CAB39: variants seen among roughly 807,000 people sequenced by gnomAD.
CAB39 encodes the protein calcium binding protein 39, also known as calcium-binding protein 39.
CAB39 carries 8 observed loss-of-function variants against 40.0 expected under a neutral mutation model. The ratio of observed to expected loss-of-function variants is 0.20; its 90% CI spans 0.12 to 0.36. CAB39 has a LOEUF of 0.36. CAB39 is among the 10% of genes least tolerant of loss of function. The probability of loss-of-function intolerance (pLI) is 1.00; values close to 1 mark genes in which losing one functional copy is unlikely to be tolerated. For synonymous variants in CAB39, 156 were observed against 141.6 expected (o/e 1.10, Z -0.72); for missense variants, 270 against 401.1 (o/e 0.67, Z 2.79).
At chr2:230,765,767 G>C (rs543390805) in intron 2 of CAB39, among the ~76,000 whole-genome samples, 11 of 152,210 alleles carry the variant, frequency 7.2e-5, no homozygotes, top group African/African-American at 2.4e-4. Flanking sequence ...GTACAGGCTA[G>C]AGATGCTGTT....
chr2:230,797,659 G>T (rs1321181327), intron 4 of CAB39, among the ~76,000 whole-genome samples: 3 of 152,166 alleles, frequency 2.0e-5, no homozygotes, highest in Admixed American at 2.0e-4. Context: ...TGGAGGTGGG[G>T]TTAGTAGTCA....
intron 2 of CAB39, 132 bp downstream of exon 2, chr2:230,760,247 CT>C: frequency 1.9e-6 from 1 of 539,022 alleles, no homozygotes; most frequent in South Asian, 2.9e-5. Flanking sequence ...GCAACATATG[CT>C]GCTGTTGCAA....
chr2:230,725,360 A>G (rs1575900792), intron 1 of CAB39: 1 of 1,592,356 alleles, frequency 6.3e-7, no homozygotes, highest in Non-Finnish European at 8.6e-7. Flanking sequence ...CTTCTCCCCC[A>G]TGGGCTCTGC....
chr2:230,725,376 A>G lies in CAB39; in HGVS notation c.-44+12146A>G, dbSNP rs540707068. On this transcript the variant is annotated intron_variant, in intron 1 of 8. Coordinates refer to ENST00000258418, the MANE Select transcript of CAB39 (RefSeq NM_016289.4). ...TTCTCCCCCATGGGCTCTGCCACGA[A>G]GTCTCGGTGCTTTTGGGAGGTTGTC... is the stretch of plus-strand genomic sequence containing the variant. The G allele has an allele frequency of 6.3e-6, 10 of 1,599,530 alleles. No homozygotes were observed. The South Asian group carries it at 8.8e-5, about 14-fold the overall frequency.
chr2:230,814,035 C>A lies in CAB39; in HGVS notation c.628-14C>A. On this transcript the variant is annotated splice_polypyrimidine_tract_variant and intron_variant, in intron 6 of 8. Transcript: ENST00000258418. The stretch of plus-strand genomic sequence containing the variant: ...TTTGGCAATAACCCTGATTTATGTT[C>A]TCTTATCTTTTAGTTTTTCAGTGAA... The A allele has an allele frequency of 1.5e-5, 3 of 205,058 alleles. No individual in the cohort carries two copies. The highest frequency in any genetic ancestry group is 2.7e-5 in the Non-Finnish European group (3 of 112,394). 12.7% of individuals were successfully genotyped at this position (205,058 alleles called of 1,614,324 possible).
chr2:230,777,140 AATGATGTAT>A (rs57265025), intron 2 of CAB39, among the ~76,000 whole-genome samples: 53,543 of 151,202 alleles, frequency 0.35, 12,975 homozygotes, highest in African/African-American at 0.7. Flanking sequence ...GTCATGTTCT[AATGATGTAT>A]ATGATGTATG....
chr2:230,801,030 G>A (rs1696080360), intron 5 of CAB39, among the ~76,000 whole-genome samples: 1 of 152,150 alleles, frequency 6.6e-6, no homozygotes, highest in Non-Finnish European at 1.5e-5. Flanking sequence ...ATAAAACAAG[G>A]TAGTGTCCTA....
chr2:230,734,395 G>C (rs567738836), intron 1 of CAB39, among the ~76,000 whole-genome samples: 197 of 152,260 alleles, frequency 1.3e-3, no homozygotes, highest in African/African-American at 4.5e-3. Context: ...CCTGTTCAGT[G>C]TCTAGCTTGC....
At chr2:230,778,980 T>G (rs1695642870) in intron 2 of CAB39, 1 of 152,214 alleles carries the variant, frequency 6.6e-6, no homozygotes, top group Non-Finnish European at 1.5e-5. Flanking sequence ...TAGTTACCTA[T>G]GTCCTCACCC....
intron 1 of CAB39, among the ~76,000 whole-genome samples, chr2:230,748,835 T>A (rs1260474076): frequency 0.034 from 1,514 of 43,900 alleles, 21 homozygotes; most frequent in African/African-American, 0.085. Context: ...AAAAAAAATA[T>A]ATATATATAT....
intron 7 of CAB39, among the ~76,000 whole-genome samples, chr2:230,814,876 G>A (rs894830120): frequency 6.6e-6 from 1 of 152,166 alleles, no homozygotes; most frequent in African/African-American, 2.4e-5. Flanking sequence ...GTCCCAACAG[G>A]AGATATAGAT....
intron 4 of CAB39, among the ~76,000 whole-genome samples, chr2:230,797,594 T>A (rs551032392): frequency 3.0e-4 from 45 of 152,136 alleles, no homozygotes; most frequent in African/African-American, 1.1e-3. Flanking sequence ...GGTAGCCCTT[T>A]AACGGAAGTT....
chr2:230,719,041 CT>C (rs1694401333), intron 1 of CAB39, among the ~76,000 whole-genome samples: 1 of 152,048 alleles, frequency 6.6e-6, no homozygotes, highest in Non-Finnish European at 1.5e-5. Flanking sequence ...TCATATAATT[CT>C]TTTTTAAGGT....
intron 1 of CAB39, among the ~76,000 whole-genome samples, chr2:230,730,112 T>A (rs1315897079): frequency 6.6e-6 from 1 of 151,910 alleles, no homozygotes. Context: ...TAGAAAAAAA[T>A]TTTTTCTTAT....
At chr2:230,780,652 A>G (rs1206703981) in intron 2 of CAB39, among the ~76,000 whole-genome samples, 1 of 152,240 alleles carries the variant, frequency 6.6e-6, no homozygotes, top group Non-Finnish European at 1.5e-5. Flanking sequence ...AGAATACCAC[A>G]GAAGTGAAGT....
chr2:230,738,650 C>T (rs1321441354), intron 1 of CAB39, among the ~76,000 whole-genome samples: 1 of 152,216 alleles, frequency 6.6e-6, no homozygotes, highest in Non-Finnish European at 1.5e-5. Context: ...TCTGTTTACA[C>T]TAAATACCAC....
At chr2:230,810,910 T>C (rs1406488126) in intron 6 of CAB39, among the ~76,000 whole-genome samples, 1 of 152,196 alleles carries the variant, frequency 6.6e-6, no homozygotes, top group African/African-American at 2.4e-5. Flanking sequence ...CCCCAGAGAT[T>C]TGTCAATGAT....
intron 1 of CAB39, among the ~76,000 whole-genome samples, chr2:230,751,908 A>G (rs1695091717): frequency 6.6e-6 from 1 of 151,980 alleles, no homozygotes; most frequent in South Asian, 2.1e-4. Context: ...ACCTTATGTA[A>G]TCCTTTAATG....
intron 5 of CAB39, among the ~76,000 whole-genome samples, chr2:230,806,462 C>T (rs1302587727): frequency 6.6e-6 from 1 of 152,118 alleles, no homozygotes; most frequent in Non-Finnish European, 1.5e-5. Flanking sequence ...AAATGTGTTC[C>T]ATTCCAGGCG....
Sources: gnomAD v4.1 joint callset for allele counts (sites outside exome capture counted in the v4.1 genomes callset) on GRCh38, gnomAD v4.1.1 for gene constraint, MANE v1.5 for transcripts, NCBI Gene and HGNC (gene_info 2026-07-23, HGNC 2026-07-21) for gene names.